MINAR1: variants seen among roughly 807,000 people sequenced by gnomAD.
MINAR1 encodes membrane integral NOTCH2 associated receptor 1, also known as major intrinsically disordered Notch2-binding receptor 1.
Under a neutral mutation model 65.1 loss-of-function variants are expected in MINAR1, and 40 were observed. That is an observed-to-expected ratio of 0.61 (90% CI 0.48 to 0.80). The LOEUF is 0.80. Ranked by LOEUF, MINAR1 falls within the 30% of genes least tolerant of loss-of-function variation. The pLI is 0.00. For synonymous variants in MINAR1, 482 were observed against 449.1 expected, an observed-to-expected ratio of 1.07 and a Z score of -0.93; for missense variants, 1,128 against 1,148.0, an observed-to-expected ratio of 0.98 and a Z score of 0.25.
At position 79,458,007 on chromosome 15, in the gene MINAR1, C is replaced by A. The variant is rs929210287; in HGVS notation, c.1860C>A (p.Ile620=). Residue 620 remains isoleucine, a synonymous_variant, in exon 2 of 4, where the codon ATC becomes ATA. Transcript: ENST00000305428. ...LESLSGVRDE[I]SQVLGKLNKL... is the part of the protein sequence containing the mutation. ...CCCTGTCGGGTGTCCGTGATGAAATCTCCCAGGTCTTGGGCAAACTAAATA... is the reference window on the plus strand; with the variant it reads ...CCCTGTCGGGTGTCCGTGATGAAATATCCCAGGTCTTGGGCAAACTAAATA... 1 of 1,614,088 alleles carries A rather than the reference C, an allele frequency of 6.2e-7. No individual in the cohort carries two copies. Among genetic ancestry groups the A allele is most frequent in the East Asian group, 2.2e-5 (1 of 44,896 alleles).
Position 79,457,317 on chromosome 15 carries a change from G to A in MINAR1, c.1170G>A (p.Glu390=). Residue 390 remains glutamate (E), a synonymous_variant, in exon 2 of 4, where the codon GAG becomes GAA. Transcript: ENST00000305428. Reference sequence around the variant, plus strand: ...CCTTTTTCAATAGAAATCCCTCCGAGGAGAAGCTACACTATCCAAATGCCA... The same window carrying A: ...CCTTTTTCAATAGAAATCCCTCCGAAGAGAAGCTACACTATCCAAATGCCA... ...ERSFFNRNPS[E]EKLHYPNASS... is the part of the protein sequence containing the mutation. 6.2e-7 allele frequency: 1 copy of A among 1,614,140 alleles called. No homozygotes were observed. Among genetic ancestry groups the A allele is most frequent in the Non-Finnish European group, 8.5e-7 (1 of 1,180,026 alleles).
At chr15:79,429,890 G>T (rs894464645), upstream of MINAR1, among the ~76,000 whole-genome samples, 1 of 152,224 alleles carries the variant, frequency 6.6e-6, no homozygotes, top group East Asian at 1.9e-4. Flanking sequence ...TCTTCCCAGA[G>T]AGGGGGGCAT....
rs1894923654 is a variant in MINAR1 at position 79,443,339 on chromosome 15, A to AC, written c.-51+10800dup. 3.3e-5 allele frequency among the ~76,000 whole-genome samples: 5 copies of AC among 152,126 alleles called. No individual in the cohort carries two copies. In the South Asian group the frequency reaches 1.0e-3, roughly 32 times the overall value. ...GTCCCTTGATAAGAAGAGTGGTTTG[A>AC]CTAGGGTACCTTACCTGCAGGAGTA... is the stretch of plus-strand genomic sequence containing the variant. On this transcript the variant is annotated intron_variant, in intron 1 of 3. Coordinates refer to ENST00000305428, the MANE Select transcript of MINAR1 (RefSeq NM_015206.3).
chr15:79,458,189 G>A lies in MINAR1; in HGVS notation c.2042G>A (p.Trp681Ter). 3 of 1,614,136 alleles carry A rather than the reference G, an allele frequency of 1.9e-6. No homozygotes were observed. Among genetic ancestry groups the A allele is most frequent in the Non-Finnish European group, 2.5e-6 (3 of 1,180,026 alleles). Reference protein sequence around the residue: ...HGPKLENNPDWCCSDASGSNS... With the variant: ...HGPKLENNPD The stretch of plus-strand genomic sequence containing the variant: ...CCCAAACTAGAGAACAACCCTGACT[G>A]GTGCTGCTCTGATGCTAGCGGGAGC... The change falls in exon 2 of 4, where the codon TGG becomes TAG. Residue 681 changes from tryptophan to a stop codon, truncating the protein, a stop_gained. Coordinates refer to ENST00000305428, the MANE Select transcript of MINAR1 (RefSeq NM_015206.3). LOFTEE classifies it high-confidence loss of function.
At chr15:79,445,886 T>G (rs549893056) in intron 1 of MINAR1, among the ~76,000 whole-genome samples, 2 of 152,348 alleles carry the variant, frequency 1.3e-5, no homozygotes, top group East Asian at 3.9e-4. Flanking sequence ...GTAGGTAGTC[T>G]TTGCATTTTA....
the MINAR1 span, chr15:79,424,630 A>T: frequency 2.6e-5 from 4 of 152,234 alleles, no homozygotes; most frequent in Non-Finnish European, 2.9e-5. Context: ...AGATGATTCT[A>T]TAAACATGTG....
chr15:79,467,096 TAGA>T (rs1327727067), intron 3 of MINAR1, among the ~76,000 whole-genome samples: 1 of 152,252 alleles, frequency 6.6e-6, no homozygotes, highest in Non-Finnish European at 1.5e-5. Flanking sequence ...AGAATGAATC[TAGA>T]AGGTCAGGCA....
At chr15:79,445,199 T>C (rs2141283084) in intron 1 of MINAR1, among the ~76,000 whole-genome samples, 1 of 152,234 alleles carries the variant, frequency 6.6e-6, no homozygotes, top group African/African-American at 2.4e-5. Flanking sequence ...AATAATGTTA[T>C]AGCTCACACT....
rs767786124 is a variant in MINAR1 at position 79,456,491 on chromosome 15, A to AG, written c.346dup (p.Glu116GlyfsTer5). On this transcript the variant is annotated frameshift_variant, in exon 2 of 4. Coordinates refer to ENST00000305428, the MANE Select transcript of MINAR1 (RefSeq NM_015206.3). LOFTEE classifies it high-confidence loss of function. ...ACGGGCCGCCAGAAGGTACGCAAGA[A>AG]GGAGGCATCCTTTGAATCATGTAGG... 1.2e-6 allele frequency: 2 copies of AG among 1,614,074 alleles called. No individual in the cohort carries two copies. The highest frequency in any genetic ancestry group is 2.2e-5 in the East Asian group (1 of 44,882).
intron 2 of MINAR1, 122 bp downstream of exon 2, chr15:79,458,567 T>G: frequency 8.0e-7 from 1 of 1,250,192 alleles, no homozygotes; most frequent in Non-Finnish European, 1.1e-6. Flanking sequence ...CAGTCATCCT[T>G]CCAGGTTTGG....
intron 1 of MINAR1, among the ~76,000 whole-genome samples, chr15:79,439,352 GTAA>G (rs1894793276): frequency 1.7e-5 from 1 of 60,574 alleles, no homozygotes; most frequent in African/African-American, 5.3e-5. Context: ...GTGTGTGTGG[GTAA>G]TGAGATGTGG....
At chr15:79,426,116 T>C in the MINAR1 span, 6 of 152,176 alleles carry the variant, frequency 3.9e-5, no homozygotes, top group Non-Finnish European at 5.9e-5. Context: ...GCTGACAGAA[T>C]CAGTGGTGGG....
At chr15:79,425,486 C>T in the MINAR1 span, 1 of 152,376 alleles carries the variant, frequency 6.6e-6, no homozygotes, top group African/African-American at 2.4e-5. Context: ...TCCCTCACCT[C>T]ACATGATGAA....
At chr15:79,456,040 C>A in intron 1 of MINAR1, 58 bp from the exon 2 acceptor site, 1 of 1,073,784 alleles carries the variant, frequency 9.3e-7, no homozygotes, top group Non-Finnish European at 1.3e-6. Context: ...TGACTTCAAA[C>A]TCCACTGGTG....
chr15:79,414,166 G>GC, the MINAR1 span: 1 of 152,154 alleles, frequency 6.6e-6, no homozygotes. Context: ...TTTGTTATGT[G>GC]CTGTGCTGGG....
chr15:79,413,965 G>C, the MINAR1 span: 2 of 152,234 alleles, frequency 1.3e-5, no homozygotes, highest in African/African-American at 4.8e-5. Flanking sequence ...ATGGCAGCCA[G>C]CTTTTACTTC....
chr15:79,468,417 C>A lies in MINAR1; in HGVS notation c.*33C>A. 1.9e-6 allele frequency: 3 copies of A among 1,579,956 alleles called. No homozygotes were observed. Among genetic ancestry groups the A allele is most frequent in the Non-Finnish European group, 2.6e-6 (3 of 1,153,536 alleles). On this transcript the variant is annotated 3_prime_UTR_variant, in exon 4 of 4. Coordinates refer to ENST00000305428, the MANE Select transcript of MINAR1 (RefSeq NM_015206.3). ...ATGCAACCTTACGTACAGCTTATGA[C>A]TACCAATGTCGTCGTCTGTATCTTA...
chr15:79,420,448 A>G, the MINAR1 span: 1 of 152,228 alleles, frequency 6.6e-6, no homozygotes, highest in African/African-American at 2.4e-5. Flanking sequence ...GGAATTACAA[A>G]TTATCGCAAA....
intron 2 of MINAR1, among the ~76,000 whole-genome samples, chr15:79,462,547 C>G (rs1345252039): frequency 2.6e-5 from 4 of 152,208 alleles, no homozygotes; most frequent in Non-Finnish European, 5.9e-5. Context: ...TCTGACTCAG[C>G]TTCTTCCCTC....
Sources: gnomAD v4.1 joint callset for allele counts (sites outside exome capture counted in the v4.1 genomes callset) on GRCh38, gnomAD v4.1.1 for gene constraint, MANE v1.5 for transcripts, NCBI Gene and HGNC (gene_info 2026-07-23, HGNC 2026-07-21) for gene names.